OPHN1: variants seen among roughly 807,000 people sequenced by gnomAD.
OPHN1 encodes oligophrenin 1, also known as oligophrenin-1.
In OPHN1, 11 loss-of-function variants were observed where a neutral mutation model predicts 60.7. The ratio of observed to expected loss-of-function variants is 0.18; its 90% CI spans 0.11 to 0.30. OPHN1 has a LOEUF of 0.30. OPHN1 is among the 10% of genes least tolerant of loss of function. OPHN1 has a pLI of 1.00. For missense variants in OPHN1, 449 were observed against 611.0 expected (o/e 0.73, Z 2.80); for synonymous variants, 226 against 222.6 (o/e 1.02, Z -0.14).
chrX:68,428,769 G>A (rs2078871661), intron 2 of OPHN1, among the ~76,000 whole-genome samples: 1 of 111,932 alleles, frequency 8.9e-6, no homozygotes, highest in Admixed American at 9.6e-5. Context: ...GGGGACTGAA[G>A]CTACCAATAT....
At chrX:68,325,542 A>G (rs988432972) in intron 2 of OPHN1, among the ~76,000 whole-genome samples, 1 of 97,059 alleles carries the variant, frequency 1.0e-5, no homozygotes, top group Non-Finnish European at 2.1e-5. Flanking sequence ...ATAAAACTAC[A>G]TGGATTATAA....
At chrX:68,264,834 C>T (rs1006630980) in intron 5 of OPHN1, among the ~76,000 whole-genome samples, 2 of 112,518 alleles carry the variant, frequency 1.8e-5, no homozygotes, top group Middle Eastern at 4.6e-3. Context: ...CACCCTAATA[C>T]TGTGCTTTTC....
chrX:68,308,965 C>T (rs1439406897), intron 2 of OPHN1, among the ~76,000 whole-genome samples: 1 of 109,214 alleles, frequency 9.2e-6, no homozygotes, highest in African/African-American at 3.4e-5. Context: ...TTATTTTTTT[C>T]TTGTAGAGAC....
chrX:68,410,477 G>T (rs953009309), intron 2 of OPHN1, among the ~76,000 whole-genome samples: 2 of 109,763 alleles, frequency 1.8e-5, no homozygotes, highest in Non-Finnish European at 3.8e-5. Flanking sequence ...CAGGAGAATC[G>T]CTTGAACCCA....
intron 18 of OPHN1, among the ~76,000 whole-genome samples, chrX:68,107,308 T>C (rs2077085567): frequency 9.0e-6 from 1 of 111,407 alleles, no homozygotes; most frequent in Non-Finnish European, 1.9e-5. Context: ...CCTCTACCAC[T>C]TTTTCCCACA....
intron 2 of OPHN1, among the ~76,000 whole-genome samples, chrX:68,379,244 G>T (rs894504668): frequency 9.0e-6 from 1 of 111,201 alleles, no homozygotes; most frequent in Admixed American, 9.6e-5. Context: ...TGTTATTGGT[G>T]CATAAGAATG....
intron 20 of OPHN1, among the ~76,000 whole-genome samples, chrX:68,067,978 C>T (rs983491242): frequency 1.8e-5 from 2 of 111,734 alleles, no homozygotes; most frequent in Admixed American, 1.9e-4. Context: ...GAAAACTACT[C>T]ATCATCTTTG....
At chrX:68,057,392 T>C (rs1020612014) in intron 21 of OPHN1, among the ~76,000 whole-genome samples, 2 of 111,495 alleles carry the variant, frequency 1.8e-5, no homozygotes, top group African/African-American at 3.3e-5. Context: ...CTGAGAGTGC[T>C]GCCCCATTTC....
chrX:68,091,931 C>T (rs1353235864), intron 19 of OPHN1, among the ~76,000 whole-genome samples: 1 of 110,633 alleles, frequency 9.0e-6, no homozygotes, highest in Non-Finnish European at 1.9e-5. Context: ...TAGATCTTCC[C>T]CTATTATTTA....
At chrX:68,387,365 T>C (rs1304082543) in intron 2 of OPHN1, among the ~76,000 whole-genome samples, 4 of 111,107 alleles carry the variant, frequency 3.6e-5, no homozygotes, top group African/African-American at 1.3e-4. Context: ...CTCAGATTAA[T>C]GTAATAGCCT....
chrX:68,201,790 G>T, intron 10 of OPHN1, 80 bp from the exon 11 acceptor site: 1 of 837,171 alleles, frequency 1.2e-6, no homozygotes, highest in Non-Finnish European at 1.8e-6. Context: ...TGTCTTCAGT[G>T]TCACTTGGAA....
intron 6 of OPHN1, among the ~76,000 whole-genome samples, chrX:68,214,417 TC>T (rs2077598773): frequency 8.9e-6 from 1 of 112,139 alleles, no homozygotes; most frequent in South Asian, 3.7e-4. Context: ...AAGTCTCAAG[TC>T]TTATTTAACA....
intron 21 of OPHN1, among the ~76,000 whole-genome samples, chrX:68,058,167 C>A (rs2076880230): frequency 9.1e-6 from 1 of 110,185 alleles, no homozygotes; most frequent in Non-Finnish European, 1.9e-5. Context: ...ATTAATCCCT[C>A]TGTCTCTCTC....
At chrX:68,345,228 A>G (rs1399515315) in intron 2 of OPHN1, among the ~76,000 whole-genome samples, 1 of 112,119 alleles carries the variant, frequency 8.9e-6, no homozygotes, top group Non-Finnish European at 1.9e-5. Flanking sequence ...TCTCATTCCA[A>G]TACTTCTGCT....
chrX:68,377,676 C>T (rs1445908636), intron 2 of OPHN1, among the ~76,000 whole-genome samples: 1 of 108,462 alleles, frequency 9.2e-6, no homozygotes, highest in Non-Finnish European at 1.9e-5. Context: ...TGAGAATATG[C>T]GGTGTGCGGT....
intron 4 of OPHN1, among the ~76,000 whole-genome samples, chrX:68,280,758 T>A (rs746896537): frequency 4.5e-5 from 5 of 111,495 alleles, no homozygotes; most frequent in Admixed American, 9.6e-5. Flanking sequence ...GTATTTCCAA[T>A]AATTTTCTGC....
In OPHN1 at chrX:68,317,532, AAAGAAAAAAAG is replaced by A. The variant is rs1378598964; in HGVS notation, c.155-18447_155-18437del. On this transcript the variant is annotated intron_variant, in intron 2 of 24. Transcript: ENST00000355520. Reference sequence around the variant, plus strand: ...GAAAGAGAGAGAGAAAGAAAGAAAGAAAGAAAAAAAGAAAGAAAGAAAGAAAGAAAGAAAGA... The same window carrying A: ...GAAAGAGAGAGAGAAAGAAAGAAAGAAAAGAAAGAAAGAAAGAAAGAAAGA... Among the ~76,000 whole-genome samples, 4 of 53,996 alleles carry A rather than the reference AAAGAAAAAAAG, an allele frequency of 7.4e-5. 1 individual carries two copies. Among genetic ancestry groups the A allele is most frequent in the African/African-American group, 5.7e-4 (3 of 5,245 alleles). The allele number at this position is 53,996 out of a possible 115,157, so 46.9% of individuals were successfully genotyped here. A position where few individuals can be genotyped will look rare whatever the true frequency, so the allele number is the denominator to read the frequency against.
intron 2 of OPHN1, among the ~76,000 whole-genome samples, chrX:68,425,966 G>A (rs1914718341): frequency 9.2e-6 from 1 of 109,103 alleles, no homozygotes; most frequent in Admixed American, 9.8e-5. Context: ...GAGTAACTGG[G>A]ACTACAGGCA....
chrX:68,348,536 CA>C (rs751968651), intron 2 of OPHN1, among the ~76,000 whole-genome samples: 268 of 103,309 alleles, frequency 2.6e-3, no homozygotes, highest in African/African-American at 7.3e-3. Context: ...TAGAATATGT[CA>C]AAAAAAAAAA....
Sources: allele counts gnomAD v4.1 joint callset (sites outside exome capture counted in the v4.1 genomes callset), GRCh38; gene constraint gnomAD v4.1.1; transcripts MANE v1.5; gene names NCBI Gene and HGNC (gene_info 2026-07-23, HGNC 2026-07-21).